The following SGCZ variants were observed in gnomAD, a reference collection of about 807,000 sequenced individuals.
The protein encoded by SGCZ is sarcoglycan zeta.
A neutral mutation model predicts 41.3 loss-of-function variants in SGCZ; 40 were observed. That is an observed-to-expected ratio of 0.97 (90% confidence interval 0.75 to 1.26). The LOEUF is 1.26. Ranked by LOEUF, SGCZ falls within the 50% of genes most tolerant of loss-of-function variation. The pLI is 0.00. For synonymous variants in SGCZ, 206 were observed against 137.5 expected (o/e 1.50, Z -3.49); for missense variants, 552 against 369.8 (o/e 1.49, Z -4.04).
At chr8:14,211,176 G>C (rs1053167224) in intron 4 of SGCZ, among the ~76,000 whole-genome samples, 1 of 152,150 alleles carries the variant, frequency 6.6e-6, no homozygotes, top group South Asian at 2.1e-4. Context: ...GTCAGTAGAG[G>C]GCGCTGGAGG....
intron 1 of SGCZ, among the ~76,000 whole-genome samples, chr8:14,831,817 CACATACA>C (rs1802543166): frequency 1.5e-5 from 2 of 134,974 alleles, no homozygotes; most frequent in African/African-American, 6.1e-5. Context: ...TATATGTGTG[CACATACA>C]TGTATATATG....
At chr8:15,052,901 T>C (rs1010897272) in intron 1 of SGCZ, among the ~76,000 whole-genome samples, 1 of 152,140 alleles carries the variant, frequency 6.6e-6, no homozygotes, top group Non-Finnish European at 1.5e-5. Flanking sequence ...TTCTTGATCT[T>C]AAATTACCTA....
chr8:14,259,829 T>A (rs1166054142), intron 3 of SGCZ, among the ~76,000 whole-genome samples: 1 of 151,548 alleles, frequency 6.6e-6, no homozygotes, highest in South Asian at 2.1e-4. Flanking sequence ...TTAAAGTAGT[T>A]TTTTCCAATT....
chr8:14,680,964 G>GAAAAAAAAAAA (rs71209075), intron 1 of SGCZ, among the ~76,000 whole-genome samples: 1 of 117,938 alleles, frequency 8.5e-6, no homozygotes, highest in African/African-American at 3.2e-5. Context: ...AAAAGAGTGG[G>GAAAAAAAAAAA]AAAAAAAAAA....
At chr8:14,186,202 A>G (rs2117035009) in intron 4 of SGCZ, among the ~76,000 whole-genome samples, 1 of 152,366 alleles carries the variant, frequency 6.6e-6, no homozygotes, top group African/African-American at 2.4e-5. Flanking sequence ...ACAGCTTAAA[A>G]TCATTTTGAA....
At chr8:14,558,613 A>AGAGAGAGAGAG (rs59852253) in intron 1 of SGCZ, among the ~76,000 whole-genome samples, 171 of 148,472 alleles carry the variant, frequency 1.2e-3, no homozygotes, top group South Asian at 1.7e-3. Context: ...AGAGAGAGAG[A>AGAGAGAGAGAG]ATCTTCCATA....
intron 5 of SGCZ, among the ~76,000 whole-genome samples, chr8:14,139,250 T>C (rs1803293962): frequency 1.3e-5 from 2 of 152,140 alleles, no homozygotes; most frequent in Admixed American, 1.3e-4. Flanking sequence ...AGGAAAGATC[T>C]AAAATTGACA....
At chr8:14,418,964 T>A (rs986623727) in intron 2 of SGCZ, among the ~76,000 whole-genome samples, 4 of 151,998 alleles carry the variant, frequency 2.6e-5, no homozygotes, top group Admixed American at 1.3e-4. Context: ...TGTATCTTCA[T>A]GTTAACTATC....
intron 1 of SGCZ, among the ~76,000 whole-genome samples, chr8:14,807,172 G>C (rs1463052972): frequency 6.6e-6 from 1 of 151,900 alleles, no homozygotes; most frequent in Non-Finnish European, 1.5e-5. Flanking sequence ...ACTGGCACAA[G>C]ACACGGATGC....
At chr8:14,204,189 G>A (rs557395163) in intron 4 of SGCZ, among the ~76,000 whole-genome samples, 13 of 152,090 alleles carry the variant, frequency 8.5e-5, no homozygotes, top group East Asian at 1.9e-4. Context: ...GGCATAAAAC[G>A]AAAGAAATAG....
At chr8:14,708,059 G>A (rs1478879143) in intron 1 of SGCZ, among the ~76,000 whole-genome samples, 1 of 151,780 alleles carries the variant, frequency 6.6e-6, no homozygotes, top group African/African-American at 2.4e-5. Flanking sequence ...AAACCCAAAT[G>A]TCCAGATTTC....
intron 1 of SGCZ, among the ~76,000 whole-genome samples, chr8:14,721,749 T>G (rs1160061473): frequency 1.3e-5 from 2 of 152,202 alleles, no homozygotes; most frequent in African/African-American, 4.8e-5. Context: ...AATCTTCTGT[T>G]CAAAACTCTA....
At chr8:14,824,727 C>G (rs1014376801) in intron 1 of SGCZ, among the ~76,000 whole-genome samples, 8 of 152,044 alleles carry the variant, frequency 5.3e-5, no homozygotes, top group African/African-American at 1.9e-4. Flanking sequence ...CCTATGCTAC[C>G]TTGAGCTTAC....
At chr8:14,139,821 C>CCTAA (rs1361819937) in intron 5 of SGCZ, among the ~76,000 whole-genome samples, 6 of 152,158 alleles carry the variant, frequency 3.9e-5, no homozygotes, top group African/African-American at 1.2e-4. Flanking sequence ...GGGAATCCTC[C>CCTAA]CTAACTCATG....
At chr8:14,268,323 C>A (rs1799946477) in intron 3 of SGCZ, among the ~76,000 whole-genome samples, 1 of 149,226 alleles carries the variant, frequency 6.7e-6, no homozygotes, top group South Asian at 2.1e-4. Flanking sequence ...AAAAGCAAAT[C>A]AATGATAACA....
rs375189358 is a variant in SGCZ, at chr8:14,112,215, C to T, written c.548-3980G>A. Among the ~76,000 whole-genome samples, 912 of 147,248 alleles carry T rather than the reference C, an allele frequency of 6.2e-3. 13 individuals are homozygous for T. Among genetic ancestry groups the T allele is most frequent in the African/African-American group, 0.022 (884 of 39,424 alleles). ...TGACCTGATATGTGCCAAATGAGAA[C>T]TTTTGCTGGCCTTTATTTTTCCAAT... On this transcript the variant is annotated intron_variant, in intron 5 of 7. Coordinates refer to ENST00000382080, the MANE Select transcript of SGCZ (RefSeq NM_139167.4).
intron 1 of SGCZ, among the ~76,000 whole-genome samples, chr8:14,898,255 C>A (rs1356626407): frequency 6.6e-6 from 1 of 152,036 alleles, no homozygotes; most frequent in Admixed American, 6.6e-5. Context: ...CGGCCAGAAG[C>A]AATTTCTAAG....
At chr8:14,438,210 T>A (rs1435176672) in intron 2 of SGCZ, among the ~76,000 whole-genome samples, 1 of 152,024 alleles carries the variant, frequency 6.6e-6, no homozygotes, top group Non-Finnish European at 1.5e-5. Context: ...ACCTGCTTAA[T>A]CACTAAGAAT....
At chr8:14,689,449 C>G (rs1339753542) in intron 1 of SGCZ, among the ~76,000 whole-genome samples, 3 of 152,098 alleles carry the variant, frequency 2.0e-5, no homozygotes, top group Admixed American at 6.6e-5. Flanking sequence ...TATTTACATA[C>G]TTGCTCCATA....
Sources: allele counts gnomAD v4.1 joint callset (sites outside exome capture counted in the v4.1 genomes callset), GRCh38; gene constraint gnomAD v4.1.1; transcripts MANE v1.5; gene names NCBI Gene and HGNC (gene_info 2026-07-23, HGNC 2026-07-21).